The following PGGT1B variants were observed in gnomAD, a reference collection of about 807,000 sequenced individuals.
PGGT1B encodes geranylgeranyl transferase type-1 subunit beta.
PGGT1B carries 30 observed loss-of-function variants against 46.1 expected under a neutral mutation model. The observed-to-expected ratio is 0.65, with a 90% CI of 0.49 to 0.88. PGGT1B has a LOEUF of 0.88. PGGT1B is among the 40% of genes least tolerant of loss of function. PGGT1B has a pLI of 0.00. For synonymous variants in PGGT1B, 170 were observed against 160.0 expected (o/e 1.06, Z -0.47); for missense variants, 376 against 455.9 (o/e 0.82, Z 1.60).
In PGGT1B at chr5:115,205,293, T is replaced by C. The variant is rs1415583123; in HGVS notation, c.*7109A>G. Reference sequence around the variant, plus strand: ...TAGATGCAAACATACATGAGTGAGGTCCCATGTACCAATCACCAACTGCTT... The same window carrying C: ...TAGATGCAAACATACATGAGTGAGGCCCCATGTACCAATCACCAACTGCTT... On this transcript the variant is annotated 3_prime_UTR_variant, in exon 9 of 9. Coordinates refer to ENST00000419445, the MANE Select transcript of PGGT1B (RefSeq NM_005023.4). The C allele has an allele frequency of 6.6e-6, 1 of 152,122 alleles. No individual in the cohort carries two copies. Among genetic ancestry groups the C allele is most frequent in the Non-Finnish European group, 1.5e-5 (1 of 68,000 alleles). 9.4% of individuals were successfully genotyped at this position (152,122 alleles called of 1,614,324 possible).
chr5:115,242,666 T>A (rs1268460889), intron 2 of PGGT1B, among the ~76,000 whole-genome samples: 4 of 152,182 alleles, frequency 2.6e-5, no homozygotes, highest in Non-Finnish European at 4.4e-5. Flanking sequence ...AAAATGTATT[T>A]TAAAAAGATA....
chr5:115,236,358 C>A, intron 5 of PGGT1B, 32 bp downstream of exon 5: 1 of 1,563,394 alleles, frequency 6.4e-7, no homozygotes, highest in Non-Finnish European at 8.7e-7. Flanking sequence ...GCAAAAACAA[C>A]CTAAATAGTC....
At chr5:115,257,530 C>CAAAAAAAAAAAA (rs1169870044) in intron 1 of PGGT1B, among the ~76,000 whole-genome samples, 1 of 72,072 alleles carries the variant, frequency 1.4e-5, no homozygotes, top group Non-Finnish European at 2.6e-5. Flanking sequence ...AACTCCATCT[C>CAAAAAAAAAAAA]AAAAAAAAAA....
At chr5:115,216,797 C>T (rs919870990) in intron 8 of PGGT1B, 68 bp downstream of exon 8, 7 of 807,402 alleles carry the variant, frequency 8.7e-6, no homozygotes, top group African/African-American at 3.5e-5. Flanking sequence ...TATGCCTTTT[C>T]TGATAAAGAT....
In PGGT1B at chr5:115,253,080, A is replaced by C. The variant is rs923393210; in HGVS notation, c.259+57T>G. Reference sequence around the variant, plus strand: ...GTACTAAGATTTTCTAGTCCAACACATGTTATGTCAGGTACAACCAGTCAC... The same window carrying C: ...GTACTAAGATTTTCTAGTCCAACACCTGTTATGTCAGGTACAACCAGTCAC... On this transcript the variant is annotated intron_variant, in intron 2 of 8. Coordinates refer to ENST00000419445, the MANE Select transcript of PGGT1B (RefSeq NM_005023.4). 2.7e-6 allele frequency: 4 copies of C among 1,486,412 alleles called. No homozygotes were observed. In the African/African-American group the frequency reaches 5.7e-5, roughly 21 times the overall value. The allele number at this position is 1,486,412 out of a possible 1,614,324, so 92.1% of individuals were successfully genotyped here.
Position 115,205,088 on chromosome 5 carries a change from A to G in PGGT1B, c.*7314T>C, listed in dbSNP as rs1027082751. On this transcript the variant is annotated 3_prime_UTR_variant, in exon 9 of 9. Coordinates refer to ENST00000419445, the MANE Select transcript of PGGT1B (RefSeq NM_005023.4). ...CGATTTTAGTGATTGTTTTCCTTCA[A>G]TCTTTAGAGATTTCATAAAGCTCTA... is the stretch of plus-strand genomic sequence containing the variant. 1 of 152,152 alleles carries G rather than the reference A, an allele frequency of 6.6e-6. No individual in the cohort carries two copies. The highest frequency in any genetic ancestry group is 2.4e-5 in the African/African-American group (1 of 41,446). 9.4% of individuals were successfully genotyped at this position (152,152 alleles called of 1,614,324 possible).
intron 5 of PGGT1B, chr5:115,231,921 T>C (rs1195428771): frequency 6.6e-6 from 1 of 151,996 alleles, no homozygotes; most frequent in Admixed American, 6.6e-5. Context: ...AAATAACACA[T>C]GTGCATCGCG....
At chr5:115,227,714 G>T (rs1028641425) in intron 6 of PGGT1B, among the ~76,000 whole-genome samples, 4 of 152,100 alleles carry the variant, frequency 2.6e-5, no homozygotes, top group Non-Finnish European at 4.4e-5. Context: ...CCACACTTGT[G>T]TATAAAATCA....
At chr5:115,229,747 C>G (rs1372011111) in intron 6 of PGGT1B, among the ~76,000 whole-genome samples, 4 of 152,136 alleles carry the variant, frequency 2.6e-5, no homozygotes, top group Non-Finnish European at 4.4e-5. Context: ...CCTCTTTGTA[C>G]AACTATAACT....
rs778752801 is a variant in PGGT1B at position 115,231,048 on chromosome 5, T to A, written c.613-27A>T. On this transcript the variant is annotated intron_variant, in intron 5 of 8. Coordinates refer to ENST00000419445, the MANE Select transcript of PGGT1B (RefSeq NM_005023.4). The stretch of plus-strand genomic sequence containing the variant: ...TGAAAAAGAAAAACATTGTTCAGTT[T>A]AATAGGGAAATAATAATAATAATAA... 3.1e-6 allele frequency: 4 copies of A among 1,297,846 alleles called. No individual in the cohort carries two copies. The East Asian group carries it at 9.7e-5, about 32-fold the overall frequency. 80.4% of individuals were successfully genotyped at this position (1,297,846 alleles called of 1,614,324 possible).
At chr5:115,240,244 G>T (rs1467828056) in intron 3 of PGGT1B, among the ~76,000 whole-genome samples, 1 of 152,082 alleles carries the variant, frequency 6.6e-6, no homozygotes, top group African/African-American at 2.4e-5. Context: ...GGCAATAATG[G>T]TTTTTTCTTC....
intron 5 of PGGT1B, chr5:115,231,717 T>G (rs1756990332): frequency 6.6e-6 from 1 of 152,010 alleles, no homozygotes; most frequent in South Asian, 2.1e-4. Context: ...AATCACTGCC[T>G]AAGAGAAAGT....
intron 1 of PGGT1B, among the ~76,000 whole-genome samples, chr5:115,257,937 C>G (rs538976084): frequency 6.6e-6 from 1 of 152,110 alleles, no homozygotes; most frequent in Non-Finnish European, 1.5e-5. Flanking sequence ...CATAATACTT[C>G]GAAACAAATG....
chr5:115,221,329 A>G (rs945914303), intron 7 of PGGT1B, among the ~76,000 whole-genome samples: 23 of 152,012 alleles, frequency 1.5e-4, no homozygotes, highest in South Asian at 2.1e-4. Context: ...TAGAGATGGG[A>G]AAAAATGTGC....
At chr5:115,248,810 T>C (rs978014500) in intron 2 of PGGT1B, among the ~76,000 whole-genome samples, 8 of 152,212 alleles carry the variant, frequency 5.3e-5, no homozygotes, top group Non-Finnish European at 1.0e-4. Context: ...TCTGAATCAC[T>C]TTGCGTCTCA....
chr5:115,207,075 G>C lies in PGGT1B; in HGVS notation c.*5327C>G, dbSNP rs2126980130. ...TTTAGTTTTCCTCATACAGATTTTA[G>C]ATGTGTCTTAAATTTACACATTAAG... is the stretch of plus-strand genomic sequence containing the variant. On this transcript the variant is annotated 3_prime_UTR_variant, in exon 9 of 9. Transcript: ENST00000419445. 6.7e-6 allele frequency: 1 copy of C among 150,266 alleles called. No homozygotes were observed. Among genetic ancestry groups the C allele is most frequent in the South Asian group, 2.1e-4 (1 of 4,774 alleles). The allele number at this position is 150,266 out of a possible 1,614,324, so 9.3% of individuals were successfully genotyped here. A position where few individuals can be genotyped will look rare whatever the true frequency, so the allele number is the denominator to read the frequency against.
chr5:115,210,975 G>A lies in PGGT1B; in HGVS notation c.*1427C>T, dbSNP rs1027059214. The A allele has an allele frequency of 2.0e-5, 3 of 151,896 alleles. No homozygotes were observed. Among genetic ancestry groups the A allele is most frequent in the Admixed American group, 6.6e-5 (1 of 15,246 alleles). 9.4% of individuals were successfully genotyped at this position (151,896 alleles called of 1,614,324 possible). A position where few individuals can be genotyped will look rare whatever the true frequency, so the allele number is the denominator to read the frequency against. On this transcript the variant is annotated 3_prime_UTR_variant, in exon 9 of 9. Transcript: ENST00000419445. Reference sequence around the variant, plus strand: ...TCTCCAAGTACACAGTGTTTCCCTTGGGAAGGACTGTTATTTCACAACATT... The same window carrying A: ...TCTCCAAGTACACAGTGTTTCCCTTAGGAAGGACTGTTATTTCACAACATT...
intron 7 of PGGT1B, 34 bp downstream of exon 7, chr5:115,221,790 A>G: frequency 7.4e-7 from 1 of 1,355,502 alleles, no homozygotes; most frequent in Non-Finnish European, 1.0e-6. Flanking sequence ...TGAACACAGA[A>G]TATAGGTTTC....
rs2126982839 is a variant in PGGT1B, at chr5:115,210,503, T to A, written c.*1899A>T. 6.6e-6 allele frequency: 1 copy of A among 152,198 alleles called. No homozygotes were observed. The highest frequency in any genetic ancestry group is 2.4e-5 in the African/African-American group (1 of 41,548). 9.4% of individuals were successfully genotyped at this position (152,198 alleles called of 1,614,324 possible). A position where few individuals can be genotyped will look rare whatever the true frequency, so the allele number is the denominator to read the frequency against. ...GTTTCACAAGAAAGTCTCCCACAAG[T>A]GTATCAATTAGAAGCATACTAAAAT... On this transcript the variant is annotated 3_prime_UTR_variant, in exon 9 of 9. Transcript: ENST00000419445.
Sources: gnomAD v4.1 joint callset for allele counts (sites outside exome capture counted in the v4.1 genomes callset) on GRCh38, gnomAD v4.1.1 for gene constraint, MANE v1.5 for transcripts, NCBI Gene and HGNC (gene_info 2026-07-23, HGNC 2026-07-21) for gene names.